Variants in CLDN11 observed in about 807,000 individuals in gnomAD.
The protein encoded by CLDN11 is claudin 11.
CLDN11 carries 1 observed loss-of-function variant against 18.0 expected under a neutral mutation model. The ratio of observed to expected loss-of-function variants is 0.06; its 90% CI spans 0.02 to 0.26. CLDN11 has a LOEUF of 0.26. Among genes scored for constraint, CLDN11 ranks in the 10% least tolerant of loss-of-function variants. The probability of loss-of-function intolerance (pLI) is 1.00; values close to 1 mark genes in which losing one functional copy is unlikely to be tolerated. For synonymous variants in CLDN11, 116 were observed against 121.5 expected (o/e 0.96, Z 0.30); for missense variants, 172 against 276.6 (o/e 0.62, Z 2.68).
intron 2 of CLDN11, among the ~76,000 whole-genome samples, chr3:170,424,450 G>T (rs375251812): frequency 1.6e-4 from 24 of 152,288 alleles, no homozygotes; most frequent in African/African-American, 5.5e-4. Flanking sequence ...ATTTGGTTTT[G>T]CTGATTATAC....
intron 2 of CLDN11, among the ~76,000 whole-genome samples, chr3:170,428,624 C>T (rs1323894202): frequency 6.6e-6 from 1 of 152,140 alleles, no homozygotes; most frequent in African/African-American, 2.4e-5. Flanking sequence ...TCTCTTCCCC[C>T]TTCTCCTCCT....
Position 170,432,730 on chromosome 3 carries a change from A to T in CLDN11, c.598A>T (p.Thr200Ser). ...FYYTAGSSSP[T>S]HAKSAHV ...CTACACTGCGGGCTCTAGCTCCCCG[A>T]CTCATGCGAAGAGTGCCCACGTATA... Residue 200 changes from threonine (T) to serine (S), a missense_variant, in exon 3 of 3, where the codon ACT becomes TCT. Physicochemically the swap from Thr to Ser is moderately conservative, Grantham distance 58. This residue lies in a region of CLDN11 where 161 missense variants were observed against 240.3 expected (regional missense o/e 0.67). Coordinates refer to ENST00000064724, the MANE Select transcript of CLDN11 (RefSeq NM_005602.6). 7 of 1,614,054 alleles carry T rather than the reference A, an allele frequency of 4.3e-6. No homozygotes were observed. Among genetic ancestry groups the T allele is most frequent in the Non-Finnish European group, 5.9e-6 (7 of 1,180,006 alleles).
At chr3:170,423,021 C>CT (rs1185541987) in intron 1 of CLDN11, 142 bp from the exon 2 acceptor site, 4 of 856,166 alleles carry the variant, frequency 4.7e-6, no homozygotes, top group Admixed American at 2.2e-5. Flanking sequence ...GCTTAGTGAC[C>CT]TTGGACAACA....
In CLDN11 at chr3:170,419,713, G is replaced by T. The variant is rs1241319580; in HGVS notation, c.226+421G>T. On this transcript the variant is annotated intron_variant, in intron 1 of 2. Coordinates refer to ENST00000064724, the MANE Select transcript of CLDN11 (RefSeq NM_005602.6). The surrounding 1 kb of genome is among the most constrained non-coding windows in gnomAD (Gnocchi z 8.6). ...GTTCCGCCCGCAGAGGTGAGAAGGA[G>T]CGTGTAACACAAGCTGACAGGAGAA... Among the ~76,000 whole-genome samples the T allele has an allele frequency of 1.3e-5, 2 of 152,232 alleles. No homozygotes were observed. Among genetic ancestry groups the T allele is most frequent in the East Asian group, 3.9e-4 (2 of 5,190 alleles).
chr3:170,419,244 A>G lies in CLDN11; in HGVS notation c.178A>G (p.Thr60Ala). ...GCTGTGGGCCGACTGCGTCATGGCCACGGGGCTGTACCACTGCAAGCCCCT... is the reference window on the plus strand; with the variant it reads ...GCTGTGGGCCGACTGCGTCATGGCCGCGGGGCTGTACCACTGCAAGCCCCT... ...KGLWADCVMA[T>A]GLYHCKPLVD... is the part of the protein sequence containing the mutation. The change falls in exon 1 of 3, where the codon ACG becomes GCG. Residue 60 changes from threonine (T) to alanine (A), a missense_variant. Physicochemically the swap from Thr to Ala is moderately conservative, Grantham distance 58. Around this residue, in one of 3 missense-constraint regions of CLDN11, gnomAD observed 161 missense variants for 240.3 expected, o/e 0.67. Transcript: ENST00000064724. This position sits in a 1 kb window ranked among gnomAD's most constrained non-coding sequence, Gnocchi z 8.6. 1 of 1,575,606 alleles carries G rather than the reference A, an allele frequency of 6.3e-7. No individual in the cohort carries two copies. The highest frequency in any genetic ancestry group is 8.6e-7 in the Non-Finnish European group (1 of 1,160,902).
intron 2 of CLDN11, among the ~76,000 whole-genome samples, chr3:170,427,261 A>G (rs944013926): frequency 2.0e-5 from 3 of 152,194 alleles, no homozygotes; most frequent in Non-Finnish European, 4.4e-5. Flanking sequence ...TTACTAATGT[A>G]AGAAGTCAGA....
chr3:170,422,012 G>C (rs934513601), intron 1 of CLDN11, among the ~76,000 whole-genome samples: 1 of 152,200 alleles, frequency 6.6e-6, no homozygotes, highest in Non-Finnish European at 1.5e-5. Flanking sequence ...GGAACCCTGA[G>C]GGCTGGAGAG....
Position 170,432,571 on chromosome 3 carries a change from C to T in CLDN11, c.439C>T (p.Arg147Cys). Reference protein sequence around the residue: ...ATIWFPVCAHRETTIVSFGYS... With the variant: ...ATIWFPVCAHCETTIVSFGYS... ...CATCTGGTTCCCTGTGTGCGCCCAC[C>T]GTGAGACCACCATCGTGAGCTTTGG... Residue 147 changes from arginine to cysteine, a missense_variant, in exon 3 of 3, where the codon CGT becomes TGT. Transcript: ENST00000064724. 1 of 1,614,038 alleles carries T rather than the reference C, an allele frequency of 6.2e-7. No homozygotes were observed. Among genetic ancestry groups the T allele is most frequent in the Non-Finnish European group, 8.5e-7 (1 of 1,180,042 alleles).
chr3:170,426,819 T>A (rs561332706), intron 2 of CLDN11, among the ~76,000 whole-genome samples: 1 of 152,322 alleles, frequency 6.6e-6, no homozygotes, highest in Admixed American at 6.5e-5. Context: ...CTTTGCTCTG[T>A]CGCCCAGGCT....
chr3:170,430,543 C>CTT (rs11346564), intron 2 of CLDN11, among the ~76,000 whole-genome samples: 96 of 146,078 alleles, frequency 6.6e-4, no homozygotes, highest in African/African-American at 2.2e-3. Context: ...TTCTTTTTCT[C>CTT]TTTTTTTTTT....
intron 1 of CLDN11, among the ~76,000 whole-genome samples, chr3:170,422,509 C>T (rs1738749122): frequency 6.6e-6 from 1 of 152,134 alleles, no homozygotes. Flanking sequence ...GCAACCTCCC[C>T]CTCTCAGGTT....
Position 170,419,048 on chromosome 3 carries a change from G to T in CLDN11, c.-19G>T. On this transcript the variant is annotated 5_prime_UTR_variant, in exon 1 of 3. Coordinates refer to ENST00000064724, the MANE Select transcript of CLDN11 (RefSeq NM_005602.6). This position sits in a 1 kb window ranked among gnomAD's most constrained non-coding sequence, Gnocchi z 8.6. Reference sequence around the variant, plus strand: ...CACAGCCGTGAGGGGCGAGGCACGGGGACATCCTGGCGGCCACCATGGTGG... The same window carrying T: ...CACAGCCGTGAGGGGCGAGGCACGGTGACATCCTGGCGGCCACCATGGTGG... The T allele has an allele frequency of 6.5e-7, 1 of 1,533,884 alleles. No homozygotes were observed. The highest frequency in any genetic ancestry group is 8.8e-7 in the Non-Finnish European group (1 of 1,132,744).
At chr3:170,425,340 C>G (rs775598628) in intron 2 of CLDN11, among the ~76,000 whole-genome samples, 14 of 152,106 alleles carry the variant, frequency 9.2e-5, no homozygotes, top group Non-Finnish European at 1.6e-4. Flanking sequence ...GAAATTCTGG[C>G]CTTCCATATG....
At chr3:170,421,163 T>C (rs879746108) in intron 1 of CLDN11, 1 of 143,166 alleles carries the variant, frequency 7.0e-6, no homozygotes, top group Non-Finnish European at 8.5e-6. Context: ...GGGGGGGGGG[T>C]GGGGGGCGGC....
At chr3:170,423,613 T>C in intron 2 of CLDN11, 2 of 391,364 alleles carry the variant, frequency 5.1e-6, no homozygotes, top group African/African-American at 2.0e-5. Flanking sequence ...GATGGAAGCC[T>C]TCTCAGTCTT....
rs1738656417 is a variant in CLDN11 at position 170,419,090 on chromosome 3, G to A, written c.24G>A (p.Val8=). The A allele has an allele frequency of 6.4e-7, 1 of 1,550,982 alleles. No homozygotes were observed. The highest frequency in any genetic ancestry group is 2.4e-5 in the East Asian group (1 of 40,886). The part of the protein sequence containing the change: MVATCLQ[V]VGFVTSFVGW... ...CCATGGTGGCCACGTGCCTGCAGGT[G>A]GTGGGCTTCGTCACGAGCTTCGTGG... Residue 8 remains valine, a synonymous_variant, in exon 1 of 3, where the codon GTG becomes GTA. Coordinates refer to ENST00000064724, the MANE Select transcript of CLDN11 (RefSeq NM_005602.6). This position sits in a 1 kb window ranked among gnomAD's most constrained non-coding sequence, Gnocchi z 8.6.
rs1739047116 is a variant in CLDN11 at position 170,433,136 on chromosome 3, T to C, written c.*380T>C. On this transcript the variant is annotated 3_prime_UTR_variant, in exon 3 of 3. Coordinates refer to ENST00000064724, the MANE Select transcript of CLDN11 (RefSeq NM_005602.6). ...GGAAGAGAAATACAAGATACTTTTT[T>C]TTTTTTTTTTTTTTTTTTTTTTTTA... is the stretch of plus-strand genomic sequence containing the variant. 1 of 129,580 alleles carries C rather than the reference T, an allele frequency of 7.7e-6. No homozygotes were observed. The highest frequency in any genetic ancestry group is 2.8e-5 in the African/African-American group (1 of 35,472). 8.0% of individuals were successfully genotyped at this position (129,580 alleles called of 1,614,324 possible). A position where few individuals can be genotyped will look rare whatever the true frequency, so the allele number is the denominator to read the frequency against.
At chr3:170,421,996 C>A (rs927966495) in intron 1 of CLDN11, among the ~76,000 whole-genome samples, 1 of 152,148 alleles carries the variant, frequency 6.6e-6, no homozygotes, top group Non-Finnish European at 1.5e-5. Flanking sequence ...AGGTGTCTGC[C>A]CTCCAGGAAC....
intron 1 of CLDN11, 136 bp from the exon 2 acceptor site, chr3:170,423,027 C>A: frequency 1.1e-6 from 1 of 888,480 alleles, no homozygotes; most frequent in Non-Finnish European, 1.8e-6. Flanking sequence ...TGACCTTGGA[C>A]AACATTAGCA....
Sources: gnomAD v4.1 joint callset for allele counts (sites outside exome capture counted in the v4.1 genomes callset) on GRCh38, gnomAD v4.1.1 for gene constraint, gnomAD v4.1.1 regional missense constraint, Gnocchi (gnomAD v3.1) non-coding constraint, MANE v1.5 for transcripts, NCBI Gene and HGNC (gene_info 2026-07-23, HGNC 2026-07-21) for gene names.